Variants in PDS5B observed in about 807,000 individuals in gnomAD.
PDS5B encodes the protein sister chromatid cohesion protein PDS5 homolog B.
In PDS5B, 51 loss-of-function variants were observed where a neutral mutation model predicts 184.1. The ratio of observed to expected loss-of-function variants is 0.28; its 90% CI spans 0.22 to 0.35. The LOEUF is 0.35. Among genes scored for constraint, PDS5B ranks in the 10% least tolerant of loss-of-function variants. PDS5B has a pLI of 1.00. For missense variants in PDS5B, 1,180 were observed against 1,723.3 expected (o/e 0.68, Z 5.58); for synonymous variants, 566 against 569.2 (o/e 0.99, Z 0.08).
intron 1 of PDS5B, among the ~76,000 whole-genome samples, chr13:32,600,006 A>G (rs2140480252): frequency 6.6e-6 from 1 of 152,208 alleles, no homozygotes. Context: ...AAATTGGTCC[A>G]TGAGTATGTA....
Position 32,701,428 on chromosome 13 carries a change from G to A in PDS5B, c.1846G>A (p.Glu616Lys), listed in dbSNP as rs1012892127. The change falls in exon 17 of 35, where the codon GAA becomes AAA. Residue 616 changes from glutamate to lysine, a missense_variant. By Grantham distance (56) the Glu-to-Lys change is moderately conservative (BLOSUM62 1). Around this residue, in one of 11 missense-constraint regions of PDS5B, gnomAD observed 475 missense variants for 691.5 expected, o/e 0.69. Coordinates refer to ENST00000315596, the MANE Select transcript of PDS5B (RefSeq NM_015032.4). ...GATAGCACCTGTGCACATAGATACCGAATCTATCAGGTATTTGTATATAAA... is the reference window on the plus strand; with the variant it reads ...GATAGCACCTGTGCACATAGATACCAAATCTATCAGGTATTTGTATATAAA... ...ERIAPVHIDTESISALIKQVN... is the reference protein window; with the variant it reads ...ERIAPVHIDTKSISALIKQVN... The A allele has an allele frequency of 2.6e-6, 4 of 1,562,354 alleles. No individual in the cohort carries two copies. Among genetic ancestry groups the A allele is most frequent in the Non-Finnish European group, 2.6e-6 (3 of 1,136,564 alleles).
chr13:32,704,201 C>T (rs1428792582), intron 17 of PDS5B, among the ~76,000 whole-genome samples: 1 of 151,256 alleles, frequency 6.6e-6, no homozygotes, highest in Non-Finnish European at 1.5e-5. Context: ...GTAAGTCTCA[C>T]TCTGTTGCCC....
intron 24 of PDS5B, among the ~76,000 whole-genome samples, chr13:32,746,953 G>A (rs2051570): frequency 0.71 from 107,902 of 152,100 alleles, 38,817 homozygotes; most frequent in African/African-American, 0.83. Context: ...GACTGTATGT[G>A]TTCAGTTCCT....
Position 32,764,544 on chromosome 13 carries a change from C to T in PDS5B, c.3574C>T (p.Pro1192Ser), listed in dbSNP as rs1166707044. 2 of 1,607,262 alleles carry T rather than the reference C, an allele frequency of 1.2e-6. No individual in the cohort carries two copies. The highest frequency in any genetic ancestry group is 3.4e-5 in the Admixed American group (2 of 59,500). The change falls in exon 31 of 35, where the codon CCT (proline) becomes TCT (serine). Residue 1192 changes from proline to serine, a missense_variant. Coordinates refer to ENST00000315596, the MANE Select transcript of PDS5B (RefSeq NM_015032.4). ...SENEDYTMSS[P>S]LPGKKSDKRD... ...AAATGAAGATTACACAATGTCTTCA[C>T]CTTTGCCGGGGAAAAAAAGTGACAA...
rs573986118 is a variant in PDS5B, at chr13:32,763,116, T to A, written c.3519-1373T>A. Among the ~76,000 whole-genome samples the A allele has an allele frequency of 1.4e-4, 21 of 152,288 alleles. No individual in the cohort carries two copies. The East Asian group carries it at 4.0e-3, about 29-fold the overall frequency. The stretch of plus-strand genomic sequence containing the variant: ...TTGCAGGGGAATGAAGTAGGTATAT[T>A]TGAGAAACCTGTTTGGTTGGAGAGT... On this transcript the variant is annotated intron_variant, in intron 30 of 34. Coordinates refer to ENST00000315596, the MANE Select transcript of PDS5B (RefSeq NM_015032.4).
chr13:32,706,921 G>C lies in PDS5B; in HGVS notation c.1857-13G>C, dbSNP rs1426181517. ...TAACATTTGAAAAAATGACTTTTTT[G>C]GTCATATTTTAGTGCTCTTATTAAA... On this transcript the variant is annotated splice_polypyrimidine_tract_variant and intron_variant, in intron 17 of 34. Coordinates refer to ENST00000315596, the MANE Select transcript of PDS5B (RefSeq NM_015032.4). 1 of 1,535,190 alleles carries C rather than the reference G, an allele frequency of 6.5e-7. No homozygotes were observed. The highest frequency in any genetic ancestry group is 1.4e-5 in the African/African-American group (1 of 72,664).
intron 23 of PDS5B, among the ~76,000 whole-genome samples, chr13:32,745,496 G>C (rs9285092): frequency 0.37 from 56,864 of 151,814 alleles, 11,258 homozygotes; most frequent in Non-Finnish European, 0.45. Context: ...ATGGTGTTCA[G>C]TATTGCTAAA....
At chr13:32,733,074 G>C (rs762886513) in intron 20 of PDS5B, among the ~76,000 whole-genome samples, 3 of 152,038 alleles carry the variant, frequency 2.0e-5, no homozygotes, top group African/African-American at 2.4e-5. Flanking sequence ...TGGGGATGGC[G>C]GTATTTTCTG....
chr13:32,697,393 C>T (rs3848086), intron 15 of PDS5B, among the ~76,000 whole-genome samples: 1,580 of 152,240 alleles, frequency 0.01, 39 homozygotes, highest in African/African-American at 0.035. Flanking sequence ...CCTCAGAGGT[C>T]ACTGTGTATA....
intron 1 of PDS5B, among the ~76,000 whole-genome samples, chr13:32,591,360 G>A (rs992021712): frequency 1.2e-4 from 18 of 151,954 alleles, no homozygotes; most frequent in African/African-American, 1.9e-4. Flanking sequence ...CTCGTGATCC[G>A]CCCGCCTCGG....
intron 21 of PDS5B, among the ~76,000 whole-genome samples, chr13:32,739,856 C>G (rs1359502396): frequency 6.6e-6 from 1 of 152,036 alleles, no homozygotes; most frequent in Admixed American, 6.6e-5. Flanking sequence ...ATTTTTCCAT[C>G]CCATAATTTT....
At chr13:32,717,112 G>T (rs1322719171) in intron 19 of PDS5B, among the ~76,000 whole-genome samples, 2 of 151,312 alleles carry the variant, frequency 1.3e-5, no homozygotes, top group African/African-American at 2.4e-5. Flanking sequence ...TCCGGGAGGT[G>T]AGGGGCGCCT....
Position 32,677,174 on chromosome 13 carries a change from T to TA in PDS5B, c.962+1216dup, listed in dbSNP as rs564881155. On this transcript the variant is annotated intron_variant, in intron 9 of 34. Coordinates refer to ENST00000315596, the MANE Select transcript of PDS5B (RefSeq NM_015032.4). ...CTTGATTCTTATTTAGCTCAATAAT[T>TA]ACGTTCAGTCAGTCAAGTTAAGCCA... Among the ~76,000 whole-genome samples the TA allele has an allele frequency of 1.4e-4, 22 of 152,212 alleles. No individual in the cohort carries two copies. In the South Asian group the frequency reaches 4.6e-3, roughly 32 times the overall value.
intron 1 of PDS5B, among the ~76,000 whole-genome samples, chr13:32,636,225 A>G (rs1566269043): frequency 6.6e-6 from 1 of 150,638 alleles, no homozygotes; most frequent in Non-Finnish European, 1.5e-5. Flanking sequence ...CATCTGTAAC[A>G]TAGGGATGAT....
chr13:32,691,252 A>G (rs1010168455), intron 13 of PDS5B: 1 of 152,024 alleles, frequency 6.6e-6, no homozygotes, highest in East Asian at 1.9e-4. Flanking sequence ...TTTATGAAAG[A>G]AACAATTGTG....
intron 19 of PDS5B, among the ~76,000 whole-genome samples, chr13:32,715,914 G>A (rs551000084): frequency 2.0e-4 from 31 of 152,374 alleles, no homozygotes; most frequent in African/African-American, 7.2e-4. Flanking sequence ...GCCAGCCTCG[G>A]CCTCCCGAGG....
At chr13:32,671,372 T>C (rs964570095) in intron 7 of PDS5B, among the ~76,000 whole-genome samples, 1 of 152,236 alleles carries the variant, frequency 6.6e-6, no homozygotes, top group African/African-American at 2.4e-5. Context: ...TGATGATGGT[T>C]TGACCACTTG....
chr13:32,768,868 G>A (rs1318139006), intron 31 of PDS5B, among the ~76,000 whole-genome samples: 3 of 147,408 alleles, frequency 2.0e-5, no homozygotes, highest in Admixed American at 1.4e-4. Context: ...TTGGGAGGCC[G>A]AGGCGGGCGG....
At chr13:32,670,524 A>G (rs77988234) in intron 7 of PDS5B, among the ~76,000 whole-genome samples, 3,470 of 152,292 alleles carry the variant, frequency 0.023, 50 homozygotes, top group African/African-American at 0.036. Flanking sequence ...CACCATGCCC[A>G]GCCTAGGTTA....
Sources: allele counts gnomAD v4.1 joint callset (sites outside exome capture counted in the v4.1 genomes callset), GRCh38; gene constraint gnomAD v4.1.1; regional missense constraint gnomAD v4.1.1; transcripts MANE v1.5; gene names NCBI Gene and HGNC (gene_info 2026-07-23, HGNC 2026-07-21).